ANKRD36B: variants seen among roughly 807,000 people sequenced by gnomAD.
ANKRD36B encodes the protein ankyrin repeat domain-containing protein 36B.
In ANKRD36B, 37 loss-of-function variants were observed where a neutral mutation model predicts 135.7. The observed-to-expected ratio is 0.27, with a 90% CI of 0.21 to 0.36. ANKRD36B has a LOEUF of 0.36. ANKRD36B is among the 10% of genes least tolerant of loss of function. The pLI is 1.00. For synonymous variants in ANKRD36B, 179 were observed against 348.1 expected, an observed-to-expected ratio of 0.51 and a Z score of 5.41; for missense variants, 549 against 1,037.1, an observed-to-expected ratio of 0.53 and a Z score of 6.46.
chr2:97,545,939 T>A (rs2079417258), intron 22 of ANKRD36B, 78 bp from the exon 23 acceptor site: 1 of 930,092 alleles, frequency 1.1e-6, no homozygotes, highest in Non-Finnish European at 1.7e-6. Context: ...AGTGTTAGCA[T>A]CAACCTCTGT....
intron 5 of ANKRD36B, among the ~76,000 whole-genome samples, chr2:97,578,118 G>A (rs1432510515): frequency 6.6e-6 from 1 of 152,142 alleles, no homozygotes; most frequent in African/African-American, 2.4e-5. Context: ...TTTTGAGTGT[G>A]GGTGAAAGTG....
At chr2:97,551,216 C>G in intron 18 of ANKRD36B, 73 bp downstream of exon 18, 6 of 1,520,326 alleles carry the variant, frequency 3.9e-6, no homozygotes, top group East Asian at 2.5e-5. Context: ...GACCAGCCCC[C>G]CACTGATTTA....
At chr2:97,558,245 C>T (rs529732764) in intron 10 of ANKRD36B, among the ~76,000 whole-genome samples, 166 of 152,172 alleles carry the variant, frequency 1.1e-3, no homozygotes, top group Middle Eastern at 3.4e-3. Context: ...ATCAAAGCTT[C>T]TTTTACAAAA....
chr2:97,578,701 C>T (rs1476723277), intron 5 of ANKRD36B, among the ~76,000 whole-genome samples: 1 of 152,078 alleles, frequency 6.6e-6, no homozygotes, highest in Admixed American at 6.6e-5. Flanking sequence ...AAGAATCTTG[C>T]ACCTACTGCT....
chr2:97,572,698 G>A (rs1193727740), intron 6 of ANKRD36B, among the ~76,000 whole-genome samples: 1 of 150,536 alleles, frequency 6.6e-6, no homozygotes, highest in East Asian at 1.9e-4. Context: ...AAATACCTGT[G>A]TTAGAAATGT....
At chr2:97,546,730 T>G (rs1246864203) in intron 22 of ANKRD36B, among the ~76,000 whole-genome samples, 1 of 151,728 alleles carries the variant, frequency 6.6e-6, no homozygotes, top group Non-Finnish European at 1.5e-5. Context: ...GGGAGGACCA[T>G]GTTATTCTCG....
chr2:97,546,851 T>C (rs557601918), intron 22 of ANKRD36B, among the ~76,000 whole-genome samples: 20 of 151,734 alleles, frequency 1.3e-4, no homozygotes, highest in African/African-American at 4.3e-4. Flanking sequence ...ATCAACAAAA[T>C]ATGTATCTCT....
intron 6 of ANKRD36B, among the ~76,000 whole-genome samples, chr2:97,565,498 T>C: frequency 6.6e-6 from 1 of 152,072 alleles, no homozygotes; most frequent in Non-Finnish European, 1.5e-5. Context: ...CTTAAATAAA[T>C]TTACAAGAAA....
At position 97,534,859 on chromosome 2, in the gene ANKRD36B, T is replaced by C. The variant is rs1487185591; in HGVS notation, c.2191+1441A>G. 4.1e-5 allele frequency among the ~76,000 whole-genome samples: 4 copies of C among 96,966 alleles called. 1 individual carries two copies. The highest frequency in any genetic ancestry group is 9.1e-5 in the Admixed American group (1 of 10,932). The allele number at this position is 96,966 out of a possible 152,430, so 63.6% of individuals were successfully genotyped here. On this transcript the variant is annotated intron_variant, in intron 34 of 43. Coordinates refer to ENST00000359901, the MANE Select transcript of ANKRD36B (RefSeq NM_001393939.1). ...TTCAAAAGCAAGAAAATCAGTATTA[T>C]AAAAGAGAAATCTGTCCTGACATGT... is the stretch of plus-strand genomic sequence containing the variant.
At chr2:97,546,952 G>A (rs1208523447) in intron 22 of ANKRD36B, among the ~76,000 whole-genome samples, 5 of 151,620 alleles carry the variant, frequency 3.3e-5, no homozygotes. Flanking sequence ...TCCTGGAGCA[G>A]CCAAAATCAA....
rs924604027 is a variant in ANKRD36B at position 97,578,763 on chromosome 2, G to A, written c.695+143C>T. On this transcript the variant is annotated intron_variant, in intron 5 of 43. Coordinates refer to ENST00000359901, the MANE Select transcript of ANKRD36B (RefSeq NM_001393939.1). ...TGGCTGATGAAGTTGCACAACTCTC[G>A]AAAACTTAAAAACTTGAAAATTTGT... 3.5e-5 allele frequency: 39 copies of A among 1,100,294 alleles called. No individual in the cohort carries two copies. The South Asian group carries it at 3.9e-4, about 11-fold the overall frequency. The allele number at this position is 1,100,294 out of a possible 1,614,324, so 68.2% of individuals were successfully genotyped here.
At chr2:97,559,256 A>T (rs574828204) in intron 8 of ANKRD36B, among the ~76,000 whole-genome samples, 4 of 151,914 alleles carry the variant, frequency 2.6e-5, no homozygotes, top group African/African-American at 9.7e-5. Context: ...AACCGTGTCA[A>T]TATCAATGTG....
intron 43 of ANKRD36B, among the ~76,000 whole-genome samples, chr2:97,495,985 G>A (rs1422542048): frequency 9.5e-6 from 1 of 105,090 alleles, no homozygotes; most frequent in African/African-American, 2.6e-5. Flanking sequence ...TGATTAATAG[G>A]GTGAGAAAAG....
At chr2:97,556,261 T>C (rs796922413) in intron 12 of ANKRD36B, among the ~76,000 whole-genome samples, 70 of 152,028 alleles carry the variant, frequency 4.6e-4, no homozygotes, top group African/African-American at 1.4e-3. Flanking sequence ...ATGTCTGATG[T>C]CTGATACTAA....
At chr2:97,579,154 T>C (rs1370191867) in intron 4 of ANKRD36B, 111 bp from the exon 5 acceptor site, 45 of 1,232,744 alleles carry the variant, frequency 3.7e-5, no homozygotes, top group Admixed American at 1.1e-4. Flanking sequence ...CCCAATTACA[T>C]GTACTAAGAA....
At chr2:97,556,839 A>C in intron 12 of ANKRD36B, 98 bp downstream of exon 12, 5 of 1,499,514 alleles carry the variant, frequency 3.3e-6, no homozygotes, top group Admixed American at 2.2e-5. Flanking sequence ...CTGAATCAGA[A>C]AGTGCATTTT....
Position 97,549,410 on chromosome 2 carries a change from C to A in ANKRD36B, c.1477+9G>T. The A allele has an allele frequency of 6.4e-7, 1 of 1,552,856 alleles. No individual in the cohort carries two copies. Among genetic ancestry groups the A allele is most frequent in the South Asian group, 1.2e-5 (1 of 84,938 alleles). Reference sequence around the variant, plus strand: ...CTGAACATGACATTAAATCTGTTTTCAAAATTACCTGTCCTAGATTTTTCT... The same window carrying A: ...CTGAACATGACATTAAATCTGTTTTAAAAATTACCTGTCCTAGATTTTTCT... On this transcript the variant is annotated intron_variant, in intron 20 of 43. Coordinates refer to ENST00000359901, the MANE Select transcript of ANKRD36B (RefSeq NM_001393939.1).
At chr2:97,575,946 G>A (rs2082205579) in intron 6 of ANKRD36B, among the ~76,000 whole-genome samples, 1 of 151,518 alleles carries the variant, frequency 6.6e-6, no homozygotes, top group African/African-American at 2.4e-5. Context: ...TCAACAGCAT[G>A]GGGATTGGCA....
chr2:97,552,270 C>A (rs1050901206), intron 16 of ANKRD36B, among the ~76,000 whole-genome samples: 11 of 152,014 alleles, frequency 7.2e-5, no homozygotes, highest in African/African-American at 2.2e-4. Flanking sequence ...CTGCAATATT[C>A]ATTGAAAATG....
Sources: gnomAD v4.1 joint callset for allele counts (sites outside exome capture counted in the v4.1 genomes callset) on GRCh38, gnomAD v4.1.1 for gene constraint, MANE v1.5 for transcripts, NCBI Gene and HGNC (gene_info 2026-07-23, HGNC 2026-07-21) for gene names.